The following RADX variants were observed in gnomAD, a reference collection of about 807,000 sequenced individuals.
RADX encodes the protein RPA1 related single stranded DNA binding protein, X-linked, also known as RPA-related protein RADX.
In RADX, 36 loss-of-function variants were observed where a neutral mutation model predicts 61.6. The ratio of observed to expected loss-of-function variants is 0.58; its 90% CI spans 0.45 to 0.77. The LOEUF (loss-of-function observed/expected upper bound fraction) is 0.77. Among genes scored for constraint, RADX ranks in the 30% least tolerant of loss-of-function variants. The probability of loss-of-function intolerance (pLI) is 0.00; values close to 1 mark genes in which losing one functional copy is unlikely to be tolerated. For missense variants in RADX, 497 were observed against 651.1 expected, an observed-to-expected ratio of 0.76 and a Z score of 2.58; for synonymous variants, 272 against 237.9, an observed-to-expected ratio of 1.14 and a Z score of -1.32.
chrX:106,620,142 A>T (rs1926908257), intron 1 of RADX, among the ~76,000 whole-genome samples: 1 of 111,933 alleles, frequency 8.9e-6, no homozygotes, highest in Admixed American at 9.5e-5. Context: ...ACATAAAAGC[A>T]AACTGAGTAT....
At chrX:106,639,474 T>C (rs956404351) in intron 8 of RADX, 53 bp from the exon 9 acceptor site, 1 of 974,729 alleles carries the variant, frequency 1.0e-6, no homozygotes, top group African/African-American at 2.0e-5. Flanking sequence ...CTAATTCTTA[T>C]TTTTATCATT....
In RADX at chrX:106,645,269, CTCTGA is replaced by C. The variant is rs1468566977; in HGVS notation, c.1905-3040_1905-3036del. 4.5e-5 allele frequency among the ~76,000 whole-genome samples: 5 copies of C among 110,186 alleles called. No homozygotes were observed. The East Asian group carries it at 1.4e-3, about 31-fold the overall frequency. On this transcript the variant is annotated intron_variant, in intron 10 of 13. Transcript: ENST00000372548. ...CTCATTTCAATTTTATTTATTTATG[CTCTGA>C]TCTTGTTTTCTTCCACTACTTTGGG...
At position 106,654,045 on chromosome X, in the gene RADX, T is replaced by G. The variant is rs1295244685; in HGVS notation, c.1978+5659T>G. The stretch of plus-strand genomic sequence containing the variant: ...AGAATAATTTATAATCCTTTGAGTA[T>G]ATACCCAGTAATGGGATTGCTGGGT... On this transcript the variant is annotated intron_variant, in intron 11 of 13. Transcript: ENST00000372548. 1.7e-4 allele frequency among the ~76,000 whole-genome samples: 19 copies of G among 111,808 alleles called. No homozygotes were observed. The Admixed American group carries it at 1.8e-3, about 11-fold the overall frequency.
intron 1 of RADX, among the ~76,000 whole-genome samples, chrX:106,618,849 C>T (rs888477119): frequency 1.8e-5 from 2 of 110,987 alleles, no homozygotes; most frequent in Non-Finnish European, 3.8e-5. Flanking sequence ...GCTTGTCCAT[C>T]CCTTTATTTC....
chrX:106,663,118 G>T (rs1472353032), intron 12 of RADX, among the ~76,000 whole-genome samples: 1 of 111,615 alleles, frequency 9.0e-6, no homozygotes, highest in Middle Eastern at 4.2e-3. Flanking sequence ...CTTAATGACC[G>T]AATAATGTAG....
Position 106,648,385 on chromosome X carries a change from C to T in RADX, c.1977C>T (p.Asn659=). The part of the protein sequence containing the change: ...GIKPGMPSIF[N]RRANINANLQ... ...AACCGGGCATGCCAAGCATCTTCAA[C>T]CGTATGTTACTATTTGTTATTATTA... Residue 659 remains asparagine, a splice_region_variant and synonymous_variant, in exon 11 of 14, where the codon AAC becomes AAT. Transcript: ENST00000372548. 1 of 1,145,390 alleles carries T rather than the reference C, an allele frequency of 8.7e-7. No homozygotes were observed. The highest frequency in any genetic ancestry group is 3.0e-5 in the East Asian group (1 of 33,345). The allele number at this position is 1,145,390 out of a possible 1,213,427, so 94.4% of individuals were successfully genotyped here.
At position 106,612,650 on chromosome X, in the gene RADX, G is replaced by A; in HGVS notation, c.570G>A (p.Ala190=). ...GAGGCGGGAAGAGTCATTACCTGGC[G>A]CTGTGGAATAACGAAGATCCCTATG... ...PLRGGKSHYL[A]LWNNEDPYGD... The change falls in exon 1 of 14, where the codon GCG becomes GCA. Residue 190 remains alanine (A), a synonymous_variant. Coordinates refer to ENST00000372548, the MANE Select transcript of RADX (RefSeq NM_018015.6). 1 of 1,210,622 alleles carries A rather than the reference G, an allele frequency of 8.3e-7. No homozygotes were observed. The highest frequency in any genetic ancestry group is 1.1e-6 in the Non-Finnish European group (1 of 894,973).
intron 1 of RADX, among the ~76,000 whole-genome samples, chrX:106,620,629 A>C (rs1181036885): frequency 9.0e-6 from 1 of 110,947 alleles, no homozygotes; most frequent in Non-Finnish European, 1.9e-5. Flanking sequence ...ACCTGAGATC[A>C]CACCACAGCA....
At chrX:106,643,554 C>A (rs1048299070) in intron 10 of RADX, among the ~76,000 whole-genome samples, 1 of 111,127 alleles carries the variant, frequency 9.0e-6, no homozygotes, top group Non-Finnish European at 1.9e-5. Context: ...ATATGGATAT[C>A]CAGTTTTCCC....
At chrX:106,672,973 C>G (rs1928404646) in intron 13 of RADX, among the ~76,000 whole-genome samples, 1 of 111,501 alleles carries the variant, frequency 9.0e-6, no homozygotes, top group Non-Finnish European at 1.9e-5. Context: ...CCTATGGGCT[C>G]TTCAGTCAGC....
chrX:106,640,505 T>C, intron 9 of RADX, 47 bp from the exon 10 acceptor site: 3 of 927,270 alleles, frequency 3.2e-6, no homozygotes, highest in Non-Finnish European at 4.4e-6. Flanking sequence ...ATGAGATTAA[T>C]AATTGTGAAT....
chrX:106,662,739 AG>A (rs1160487541), intron 12 of RADX, among the ~76,000 whole-genome samples: 5 of 109,682 alleles, frequency 4.6e-5, no homozygotes, highest in Admixed American at 3.9e-4. Flanking sequence ...GAAGAAAAAA[AG>A]GTCTGTTTAG....
At chrX:106,660,491 T>C (rs1928062564) in intron 11 of RADX, among the ~76,000 whole-genome samples, 1 of 111,909 alleles carries the variant, frequency 8.9e-6, no homozygotes, top group East Asian at 2.8e-4. Context: ...GAAGTAGTAT[T>C]TTAACCATAC....
At position 106,651,042 on chromosome X, in the gene RADX, G is replaced by C. The variant is rs182620812; in HGVS notation, c.1978+2656G>C. Among the ~76,000 whole-genome samples the C allele has an allele frequency of 4.7e-4, 52 of 110,659 alleles. No homozygotes were observed. In the East Asian group the frequency reaches 0.014, roughly 30 times the overall value. ...GTTAGGAAGAAGCAGTATTTGAAGA[G>C]GGTATTTTTTCAAAATTGTATATAT... On this transcript the variant is annotated intron_variant, in intron 11 of 13. Coordinates refer to ENST00000372548, the MANE Select transcript of RADX (RefSeq NM_018015.6).
intron 13 of RADX, among the ~76,000 whole-genome samples, chrX:106,674,938 T>C (rs3848891): frequency 0.11 from 11,577 of 107,818 alleles, 1,632 homozygotes; most frequent in African/African-American, 0.38. Flanking sequence ...GGAGGAGAAT[T>C]GCTTGAACCC....
chrX:106,676,424 A>C (rs1308695018), intron 13 of RADX, among the ~76,000 whole-genome samples: 1 of 112,014 alleles, frequency 8.9e-6, no homozygotes, highest in Non-Finnish European at 1.9e-5. Context: ...GGGTCCCACA[A>C]AACCTGGATC....
At position 106,640,769 on chromosome X, in the gene RADX, G is replaced by T. The variant is rs5962350; in HGVS notation, c.1904+48G>T. ...ATGTAAAGTATATTTTTTCTTTTGG[G>T]TTATCTCTACCCTGTAAAATAAGCA... On this transcript the variant is annotated intron_variant, in intron 10 of 13. Coordinates refer to ENST00000372548, the MANE Select transcript of RADX (RefSeq NM_018015.6). 21,666 of 912,433 alleles carry T rather than the reference G, an allele frequency of 0.024. 2,773 individuals are homozygous for T. The African/African-American group carries it at 0.38, about 16-fold the overall frequency. The allele number at this position is 912,433 out of a possible 1,213,427, so 75.2% of individuals were successfully genotyped here.
chrX:106,652,725 G>A (rs369278924), intron 11 of RADX, among the ~76,000 whole-genome samples: 2 of 89,820 alleles, frequency 2.2e-5, no homozygotes, highest in South Asian at 5.2e-4. Flanking sequence ...ACACACACAC[G>A]CCACTGAAAA....
chrX:106,660,678 G>A (rs1928067367), intron 11 of RADX, among the ~76,000 whole-genome samples: 1 of 111,851 alleles, frequency 8.9e-6, no homozygotes, highest in Non-Finnish European at 1.9e-5. Context: ...TGATTTTACA[G>A]TGTTTCCGAT....
Sources: gnomAD v4.1 joint callset for allele counts (sites outside exome capture counted in the v4.1 genomes callset) on GRCh38, gnomAD v4.1.1 for gene constraint, MANE v1.5 for transcripts, NCBI Gene and HGNC (gene_info 2026-07-23, HGNC 2026-07-21) for gene names.